PTPDC1: variants seen among roughly 807,000 people sequenced by gnomAD.
PTPDC1 encodes protein tyrosine phosphatase domain containing 1, also known as protein tyrosine phosphatase domain-containing protein 1.
Under a neutral mutation model 75.3 loss-of-function variants are expected in PTPDC1, and 53 were observed. That is an observed-to-expected ratio of 0.70 (90% CI 0.56 to 0.88). The LOEUF (loss-of-function observed/expected upper bound fraction) is 0.88. Ranked by LOEUF, PTPDC1 falls within the 40% of genes least tolerant of loss-of-function variation. PTPDC1 has a pLI of 0.00. For synonymous variants in PTPDC1, 349 were observed against 366.2 expected (o/e 0.95, Z 0.54); for missense variants, 925 against 998.6 (o/e 0.93, Z 0.99).
intron 2 of PTPDC1, among the ~76,000 whole-genome samples, chr9:94,069,392 C>A (rs1826432247): frequency 6.6e-6 from 1 of 152,086 alleles, no homozygotes; most frequent in African/African-American, 2.4e-5. Context: ...ATTTTCAGTA[C>A]CTTTTGGTTG....
chr9:94,055,775 C>T (rs944034057), intron 1 of PTPDC1, among the ~76,000 whole-genome samples: 2 of 152,032 alleles, frequency 1.3e-5, no homozygotes, highest in Admixed American at 6.6e-5. Flanking sequence ...ATCAGTGGTT[C>T]CCAGGGTTTC....
chr9:94,048,487 T>G (rs1273521953), intron 1 of PTPDC1, among the ~76,000 whole-genome samples: 2 of 152,218 alleles, frequency 1.3e-5, no homozygotes, highest in African/African-American at 4.8e-5. Context: ...AGGAGTAGGT[T>G]GTTCAGTTTC....
chr9:94,078,265 C>T (rs1364914322), intron 2 of PTPDC1, among the ~76,000 whole-genome samples: 2 of 152,192 alleles, frequency 1.3e-5, no homozygotes, highest in Non-Finnish European at 2.9e-5. Context: ...TCATTTTTGA[C>T]AGAAATCTTG....
At chr9:94,044,863 T>G (rs1266964347) in intron 1 of PTPDC1, among the ~76,000 whole-genome samples, 1 of 152,028 alleles carries the variant, frequency 6.6e-6, no homozygotes, top group Non-Finnish European at 1.5e-5. Context: ...TTCATTATAC[T>G]TTAAGTTTTA....
chr9:94,051,421 A>G (rs932941892), intron 1 of PTPDC1, among the ~76,000 whole-genome samples: 10 of 152,184 alleles, frequency 6.6e-5, no homozygotes, highest in Non-Finnish European at 1.5e-4. Context: ...AGTCCTTATT[A>G]GGTTGAGGAA....
chr9:94,090,427 C>A (rs1437165002), intron 4 of PTPDC1, among the ~76,000 whole-genome samples: 1 of 150,744 alleles, frequency 6.6e-6, no homozygotes, highest in Non-Finnish European at 1.5e-5. Context: ...CTGGTCTGTT[C>A]CATTGATCTA....
At chr9:94,068,088 A>G (rs1461191664) in intron 2 of PTPDC1, among the ~76,000 whole-genome samples, 1 of 152,122 alleles carries the variant, frequency 6.6e-6, no homozygotes, top group Non-Finnish European at 1.5e-5. Flanking sequence ...TTAATTAACA[A>G]GACTGTTTCA....
chr9:94,093,835 C>G (rs1587898627), intron 4 of PTPDC1, among the ~76,000 whole-genome samples: 2 of 147,586 alleles, frequency 1.4e-5, no homozygotes, highest in Non-Finnish European at 3.0e-5. Context: ...TCATTCATTT[C>G]ATCTTCCATT....
chr9:94,088,242 GAGGCTTTCATGGAGGCTGGCAGTAAGT>G lies in PTPDC1; in HGVS notation c.596_616+6del. The G allele has an allele frequency of 1.2e-6, 2 of 1,613,978 alleles. No individual in the cohort carries two copies. ...AGAAAGTGGCTTCACATACCTTCCTGAGGCTTTCATGGAGGCTGGCAGTAAGTTCCTCCCACCCTCCTCTCATGAATT... is the reference window on the plus strand; with the variant it reads ...AGAAAGTGGCTTCACATACCTTCCTGTCCTCCCACCCTCCTCTCATGAATT... On this transcript the variant is annotated splice_donor_variant and splice_donor_5th_base_variant and coding_sequence_variant and intron_variant, in exon 4 of 9. Transcript: ENST00000620992. LOFTEE classifies it high-confidence loss of function.
At chr9:94,038,182 C>T (rs934905547) in intron 1 of PTPDC1, 33 of 704,120 alleles carry the variant, frequency 4.7e-5, no homozygotes, top group East Asian at 4.3e-4. Flanking sequence ...CTTACACAGA[C>T]GCCAATAAAA....
At chr9:94,039,546 G>A (rs1401267660) in intron 1 of PTPDC1, among the ~76,000 whole-genome samples, 2 of 152,110 alleles carry the variant, frequency 1.3e-5, no homozygotes, top group African/African-American at 2.4e-5. Context: ...AATGCCAGGA[G>A]GCCAAGGAGG....
In PTPDC1 at chr9:94,088,251, A is replaced by T. The variant is rs377427630; in HGVS notation, c.604A>T (p.Met202Leu). ...SGFTYLPEAF[M>L]EAGIYFYNFG... ...CTTCACATACCTTCCTGAGGCTTTC[A>T]TGGAGGCTGGCAGTAAGTTCCTCCC... The change falls in exon 4 of 9, where the codon ATG becomes TTG. Residue 202 changes from methionine (M) to leucine (L), a missense_variant. Met to Leu is a conservative substitution (Grantham distance 15). Coordinates refer to ENST00000620992, the MANE Select transcript of PTPDC1 (RefSeq NM_001253829.2). 6.2e-6 allele frequency: 10 copies of T among 1,613,796 alleles called. No individual in the cohort carries two copies. The highest frequency in any genetic ancestry group is 1.1e-5 in the South Asian group (1 of 91,004).
chr9:94,060,324 G>C (rs1366336898), intron 1 of PTPDC1, among the ~76,000 whole-genome samples: 1 of 152,214 alleles, frequency 6.6e-6, no homozygotes, highest in African/African-American at 2.4e-5. Context: ...CAAAGATATT[G>C]TGGAGAGTGT....
intron 1 of PTPDC1, among the ~76,000 whole-genome samples, chr9:94,043,743 A>C (rs1587839956): frequency 6.6e-6 from 1 of 152,142 alleles, no homozygotes; most frequent in East Asian, 1.9e-4. Flanking sequence ...ACTCATCAGC[A>C]AACCAAAGGT....
Position 94,087,110 on chromosome 9 carries a change from T to G in PTPDC1, c.417-721T>G, listed in dbSNP as rs751753683. ...CCTCCTCATGTAAGTCACTACCCAT[T>G]GAGTAACAATCCAGACTGTTACCTT... On this transcript the variant is annotated intron_variant, in intron 2 of 8. Transcript: ENST00000620992. Among the ~76,000 whole-genome samples, 9 of 152,236 alleles carry G rather than the reference T, an allele frequency of 5.9e-5. 1 individual carries two copies. The East Asian group carries it at 7.7e-4, about 13-fold the overall frequency.
Position 94,095,454 on chromosome 9 carries a change from G to T in PTPDC1, c.754G>T (p.Gly252Cys). Residue 252 changes from glycine to cysteine, a missense_variant and splice_region_variant, in exon 5 of 9, where the codon GGT (glycine) becomes TGT (cysteine). Transcript: ENST00000620992. ...TTGTCATGCAGGGCTTGGTCGAACA[G>T]GTAGGTCCTAAGAGGTGGTTTATTG... The part of the protein sequence containing the change: ...IHCHAGLGRT[G>C]VLIACYLVFA... 1 of 1,611,430 alleles carries T rather than the reference G, an allele frequency of 6.2e-7. No individual in the cohort carries two copies. Among genetic ancestry groups the T allele is most frequent in the South Asian group, 1.1e-5 (1 of 90,380 alleles).
At chr9:94,069,818 A>G (rs1397342464) in intron 2 of PTPDC1, among the ~76,000 whole-genome samples, 1 of 125,548 alleles carries the variant, frequency 8.0e-6, no homozygotes, top group African/African-American at 3.1e-5. Flanking sequence ...CCCAGCCAAT[A>G]CTTTCTTTTT....
chr9:94,106,936 G>GGTTTGTTT (rs112737054), intron 8 of PTPDC1, among the ~76,000 whole-genome samples: 4,995 of 151,338 alleles, frequency 0.033, 169 homozygotes, highest in East Asian at 0.12. Flanking sequence ...ATCAAGGTGG[G>GGTTTGTTT]GTTTGTTTGT....
upstream of PTPDC1, among the ~76,000 whole-genome samples, chr9:94,079,623 T>A (rs556859452): frequency 1.3e-5 from 2 of 152,344 alleles, no homozygotes; most frequent in South Asian, 4.1e-4. Flanking sequence ...AATAACTGCT[T>A]AACCAAAACC....
Sources: gnomAD v4.1 joint callset for allele counts (sites outside exome capture counted in the v4.1 genomes callset) on GRCh38, gnomAD v4.1.1 for gene constraint, MANE v1.5 for transcripts, NCBI Gene and HGNC (gene_info 2026-07-23, HGNC 2026-07-21) for gene names.